SAMD5: variants seen among roughly 807,000 people sequenced by gnomAD.
The protein encoded by SAMD5 is sterile alpha motif domain-containing protein 5.
Under a neutral mutation model 11.3 loss-of-function variants are expected in SAMD5, and 13 were observed. The observed-to-expected ratio is 1.15, with a 90% CI of 0.75 to 1.83. The LOEUF is 1.83. Among genes scored for constraint, SAMD5 ranks in the 40% most tolerant of loss-of-function variants. The pLI is 0.00. For synonymous variants in SAMD5, 129 were observed against 111.3 expected (o/e 1.16, Z -1.00); for missense variants, 255 against 239.1 (o/e 1.07, Z -0.44).
chr6:147,797,854 G>C, the SAMD5 span, among the ~76,000 whole-genome samples: 1 of 150,884 alleles, frequency 6.6e-6, no homozygotes, highest in Non-Finnish European at 1.5e-5. Flanking sequence ...GTTTATTTGC[G>C]TAGAGGTTTT....
chr6:147,879,347 C>G, the SAMD5 span, among the ~76,000 whole-genome samples: 1 of 152,302 alleles, frequency 6.6e-6, no homozygotes, highest in South Asian at 2.1e-4. Flanking sequence ...TGGACTCCTC[C>G]GAGAGCAGAG....
At chr6:147,942,018 C>T in the SAMD5 span, among the ~76,000 whole-genome samples, 7 of 152,168 alleles carry the variant, frequency 4.6e-5, no homozygotes, top group Middle Eastern at 3.4e-3. Flanking sequence ...GGATTACAGG[C>T]GCCTGCCACC....
rs562500336 is a variant in SAMD5 at position 147,659,185 on chromosome 6, T to G, written c.163-78132T>G. On this transcript the variant is annotated intron_variant, in intron 1 of 1. Coordinates refer to the SAMD5 transcript ENST00000566741. Reference sequence around the variant, plus strand: ...TGGTGTGCTGTGAGTTGTTAATAGGTTAATAGGTATTCTTTGGGGAAATGA... The same window carrying G: ...TGGTGTGCTGTGAGTTGTTAATAGGGTAATAGGTATTCTTTGGGGAAATGA... Among the ~76,000 whole-genome samples the G allele has an allele frequency of 2.0e-5, 3 of 152,324 alleles. No homozygotes were observed. The South Asian group carries it at 6.2e-4, about 32-fold the overall frequency.
At chr6:147,893,979 T>G in the SAMD5 span, among the ~76,000 whole-genome samples, 1 of 152,172 alleles carries the variant, frequency 6.6e-6, no homozygotes, top group African/African-American at 2.4e-5. Flanking sequence ...TCATGCAAGA[T>G]TCTTCCAAAG....
At chr6:147,921,153 GAA>G in the SAMD5 span, among the ~76,000 whole-genome samples, 1 of 152,122 alleles carries the variant, frequency 6.6e-6, no homozygotes, top group South Asian at 2.1e-4. Flanking sequence ...TGAGAGTTGA[GAA>G]AAGACAGGCT....
At chr6:147,672,325 A>G (rs533657317) in intron 1 of SAMD5, among the ~76,000 whole-genome samples, 5 of 152,186 alleles carry the variant, frequency 3.3e-5, no homozygotes, top group Non-Finnish European at 7.4e-5. Flanking sequence ...ATGTTCTTGG[A>G]TTGAGAAATT....
At chr6:147,877,418 T>A in the SAMD5 span, among the ~76,000 whole-genome samples, 4 of 152,048 alleles carry the variant, frequency 2.6e-5, no homozygotes, top group African/African-American at 9.7e-5. Context: ...GACTTCAAAT[T>A]AGTAGGCAAG....
chr6:147,556,327 C>T (rs1474294850), intron 1 of SAMD5, among the ~76,000 whole-genome samples: 4 of 152,108 alleles, frequency 2.6e-5, no homozygotes, highest in East Asian at 3.9e-4. Flanking sequence ...CTCCTGACCT[C>T]GTGATCCACC....
intron 1 of SAMD5, among the ~76,000 whole-genome samples, chr6:147,520,023 A>G (rs551936844): frequency 4.2e-4 from 64 of 152,294 alleles, no homozygotes; most frequent in African/African-American, 1.4e-3. Context: ...TCTTCTGTAC[A>G]GTGGTGCCAA....
rs752010640 is a variant in SAMD5, at chr6:147,509,081, C to T, written c.153C>T (p.His51=). 3.1e-6 allele frequency: 5 copies of T among 1,599,424 alleles called. No individual in the cohort carries two copies. Among genetic ancestry groups the T allele is most frequent in the South Asian group, 2.2e-5 (2 of 89,156 alleles). Residue 51 remains histidine (H), a synonymous_variant, in exon 1 of 2, where the codon CAC becomes CAT. Coordinates refer to ENST00000367474, the MANE Select transcript of SAMD5 (RefSeq NM_001030060.3). ...CCATCGGGGTGCTGGCGCCCGCGCA[C>T]CGCCGCCGTATCCTGGAGGCCGTGC... ...LDAIGVLAPA[H]RRRILEAVRR...
intron 1 of SAMD5, among the ~76,000 whole-genome samples, chr6:147,606,027 T>G (rs544708527): frequency 6.6e-6 from 1 of 152,166 alleles, no homozygotes; most frequent in African/African-American, 2.4e-5. Context: ...GATTATCATG[T>G]GAGGAAGGAA....
At chr6:147,739,857 T>A (rs998017660), downstream of SAMD5, among the ~76,000 whole-genome samples, 1 of 152,178 alleles carries the variant, frequency 6.6e-6, no homozygotes, top group African/African-American at 2.4e-5. Flanking sequence ...GCTTGCTCTG[T>A]CACCCAGGCT....
the SAMD5 span, among the ~76,000 whole-genome samples, chr6:147,754,816 C>T: frequency 6.6e-6 from 1 of 152,022 alleles, no homozygotes; most frequent in South Asian, 2.1e-4. Context: ...ATTGATGAGA[C>T]AGTCTTTTCC....
At chr6:147,553,341 G>C (rs777426656) in intron 1 of SAMD5, among the ~76,000 whole-genome samples, 4 of 152,200 alleles carry the variant, frequency 2.6e-5, no homozygotes, top group African/African-American at 9.6e-5. Flanking sequence ...AGGACTTCAT[G>C]TCTGTCCTGG....
At chr6:147,756,083 G>T in the SAMD5 span, among the ~76,000 whole-genome samples, 1 of 151,946 alleles carries the variant, frequency 6.6e-6, no homozygotes, top group Non-Finnish European at 1.5e-5. Context: ...CCATTTGTAG[G>T]CATGTCTGAT....
the SAMD5 span, among the ~76,000 whole-genome samples, chr6:147,779,118 A>G: frequency 1.3e-5 from 2 of 152,118 alleles, no homozygotes; most frequent in Non-Finnish European, 2.9e-5. Context: ...ACTTCTTAAT[A>G]AGTTAGTGTT....
intron 1 of SAMD5, among the ~76,000 whole-genome samples, chr6:147,557,606 C>A (rs1441438841): frequency 6.6e-6 from 1 of 152,124 alleles, no homozygotes; most frequent in Non-Finnish European, 1.5e-5. Flanking sequence ...TGTGAGAACA[C>A]CAGGGATTAG....
At chr6:147,647,999 G>A (rs1790430495) in intron 1 of SAMD5, among the ~76,000 whole-genome samples, 1 of 152,184 alleles carries the variant, frequency 6.6e-6, no homozygotes, top group Non-Finnish European at 1.5e-5. Flanking sequence ...CAGGTCTGTA[G>A]GTCTTGACTT....
At chr6:147,891,520 A>G in the SAMD5 span, among the ~76,000 whole-genome samples, 271 of 152,182 alleles carry the variant, frequency 1.8e-3, 3 homozygotes, top group East Asian at 0.012. Flanking sequence ...TTCATTGGTA[A>G]AATGTGGATT....
Sources: allele counts gnomAD v4.1 joint callset (sites outside exome capture counted in the v4.1 genomes callset), GRCh38; gene constraint gnomAD v4.1.1; transcripts MANE v1.5; gene names NCBI Gene and HGNC (gene_info 2026-07-23, HGNC 2026-07-21).